CNTN5: variants seen among roughly 807,000 people sequenced by gnomAD.
CNTN5 encodes contactin 5, also known as contactin-5.
In CNTN5, 77 loss-of-function variants were observed where a neutral mutation model predicts 129.1. The observed-to-expected ratio is 0.60, with a 90% CI of 0.50 to 0.72. The LOEUF (loss-of-function observed/expected upper bound fraction) is 0.72, where lower values mean the gene tolerates loss of function less well. CNTN5 is among the 30% of genes least tolerant of loss of function. CNTN5 has a pLI of 0.00. For synonymous variants in CNTN5, 509 were observed against 465.6 expected (o/e 1.09, Z -1.20); for missense variants, 1,478 against 1,328.8 (o/e 1.11, Z -1.75).
intron 9 of CNTN5, among the ~76,000 whole-genome samples, chr11:100,022,624 TTTCAAA>T (rs1941221244): frequency 6.6e-6 from 1 of 152,220 alleles, no homozygotes; most frequent in African/African-American, 2.4e-5. Flanking sequence ...TTTTCAATGC[TTTCAAA>T]TTCTTTGTTT....
intron 3 of CNTN5, among the ~76,000 whole-genome samples, chr11:99,783,909 A>G (rs1404657838): frequency 6.6e-6 from 1 of 151,860 alleles, no homozygotes; most frequent in African/African-American, 2.4e-5. Flanking sequence ...AGCATGGCAC[A>G]TGTATACATA....
chr11:99,640,696 T>C (rs192715247), intron 3 of CNTN5, among the ~76,000 whole-genome samples: 104 of 152,348 alleles, frequency 6.8e-4, no homozygotes, highest in Admixed American at 3.0e-3. Context: ...TCCAGGTCTT[T>C]AGCCTAGAAG....
At chr11:100,348,845 G>A (rs760983850) in intron 23 of CNTN5, among the ~76,000 whole-genome samples, 48 of 151,990 alleles carry the variant, frequency 3.2e-4, no homozygotes, top group East Asian at 1.9e-4. Flanking sequence ...TATATTTCCC[G>A]CTGCAGTGCA....
At chr11:99,303,492 C>G (rs981371910) in intron 1 of CNTN5, among the ~76,000 whole-genome samples, 2 of 150,502 alleles carry the variant, frequency 1.3e-5, no homozygotes, top group Non-Finnish European at 3.0e-5. Flanking sequence ...ATAATTATAT[C>G]TAGCTTGTGA....
intron 1 of CNTN5, among the ~76,000 whole-genome samples, chr11:99,310,628 CAT>C (rs1299129448): frequency 1.3e-5 from 2 of 152,094 alleles, no homozygotes; most frequent in Non-Finnish European, 2.9e-5. Flanking sequence ...CCAATCAAAA[CAT>C]AGAATATTTC....
At chr11:100,015,977 A>G (rs1940800753) in intron 9 of CNTN5, among the ~76,000 whole-genome samples, 1 of 152,104 alleles carries the variant, frequency 6.6e-6, no homozygotes, top group African/African-American at 2.4e-5. Flanking sequence ...TTCAGAATTT[A>G]TTCTGACATG....
chr11:100,081,732 G>A (rs550055073), intron 13 of CNTN5, among the ~76,000 whole-genome samples: 9 of 152,232 alleles, frequency 5.9e-5, no homozygotes, highest in Admixed American at 2.6e-4. Context: ...ACTATATACC[G>A]TTTCTAATTT....
At chr11:99,966,326 T>C in intron 8 of CNTN5, among the ~76,000 whole-genome samples, 1 of 152,284 alleles carries the variant, frequency 6.6e-6, no homozygotes, top group East Asian at 1.9e-4. Context: ...AAAAATTGCT[T>C]GTAGGTAGTT....
At chr11:99,514,902 A>T (rs191421289) in intron 2 of CNTN5, among the ~76,000 whole-genome samples, 1 of 152,032 alleles carries the variant, frequency 6.6e-6, no homozygotes, top group African/African-American at 2.4e-5. Context: ...ATTTCCTTTA[A>T]GTCAGTGAGA....
intron 3 of CNTN5, among the ~76,000 whole-genome samples, chr11:99,592,738 T>C (rs1950016788): frequency 6.6e-6 from 1 of 152,212 alleles, no homozygotes; most frequent in Admixed American, 6.5e-5. Context: ...GTTTTTTCTT[T>C]GTAAATTTGA....
intron 2 of CNTN5, among the ~76,000 whole-genome samples, chr11:99,419,568 CA>C (rs1455994059): frequency 1.3e-5 from 2 of 152,030 alleles, no homozygotes; most frequent in Non-Finnish European, 2.9e-5. Flanking sequence ...AGCCTGACAG[CA>C]ATGAAATTAG....
At chr11:100,133,130 G>T (rs1337352936) in intron 13 of CNTN5, among the ~76,000 whole-genome samples, 2 of 152,100 alleles carry the variant, frequency 1.3e-5, no homozygotes, top group Non-Finnish European at 2.9e-5. Context: ...TAGATCAAAA[G>T]AAATTATATA....
chr11:99,240,372 T>G (rs1489221565), intron 1 of CNTN5, among the ~76,000 whole-genome samples: 2 of 152,156 alleles, frequency 1.3e-5, no homozygotes, highest in Non-Finnish European at 2.9e-5. Flanking sequence ...CGGCTATATC[T>G]GTATTCTCCT....
At chr11:100,055,955 T>C (rs1272467849) in intron 9 of CNTN5, among the ~76,000 whole-genome samples, 1 of 151,584 alleles carries the variant, frequency 6.6e-6, no homozygotes, top group African/African-American at 2.4e-5. Context: ...CTGATGCCCA[T>C]ATTTATGTAT....
intron 1 of CNTN5, among the ~76,000 whole-genome samples, chr11:99,172,725 T>C (rs934068911): frequency 6.6e-6 from 1 of 152,216 alleles, no homozygotes; most frequent in African/African-American, 2.4e-5. Context: ...AGTTGACTTC[T>C]AGAAGGACAC....
intron 15 of CNTN5, among the ~76,000 whole-genome samples, chr11:100,210,125 C>T (rs991182304): frequency 7.3e-6 from 1 of 137,082 alleles, no homozygotes; most frequent in African/African-American, 2.8e-5. Flanking sequence ...CACCTGAGCC[C>T]AAGAGTTCGA....
rs114115229 is a variant in CNTN5, at chr11:99,078,532, G to A, written c.-210+57262G>A. Among the ~76,000 whole-genome samples the A allele has an allele frequency of 7.3e-3, 1,118 of 152,296 alleles. 9 individuals are homozygous for A. The highest frequency in any genetic ancestry group is 0.026 in the African/African-American group (1,063 of 41,560). On this transcript the variant is annotated intron_variant, in intron 1 of 24. Transcript: ENST00000524871. ...GCCAAGATTTGGAATTAACCTAATT[G>A]TGCATCAACAGATGAATAAATAAAT... is the stretch of plus-strand genomic sequence containing the variant.
At chr11:99,026,932 A>AATTCTTAAAAGATTAT (rs1404360656) in intron 1 of CNTN5, among the ~76,000 whole-genome samples, 2 of 151,714 alleles carry the variant, frequency 1.3e-5, no homozygotes, top group East Asian at 3.9e-4. Context: ...TTATACATAA[A>AATTCTTAAAAGATTAT]ACATTGTCTT....
intron 2 of CNTN5, among the ~76,000 whole-genome samples, chr11:99,334,241 G>A (rs911118217): frequency 6.6e-6 from 1 of 152,088 alleles, no homozygotes; most frequent in African/African-American, 2.4e-5. Context: ...TAGAATGTGA[G>A]AAGATAGATG....
Sources: gnomAD v4.1 joint callset for allele counts (sites outside exome capture counted in the v4.1 genomes callset) on GRCh38, gnomAD v4.1.1 for gene constraint, MANE v1.5 for transcripts, NCBI Gene and HGNC (gene_info 2026-07-23, HGNC 2026-07-21) for gene names.